The following DCLRE1C variants were observed in gnomAD, a reference collection of about 807,000 sequenced individuals.
The protein encoded by DCLRE1C is DNA cross-link repair 1C, also known as protein artemis.
A neutral mutation model predicts 61.4 loss-of-function variants in DCLRE1C; 47 were observed. The ratio of observed to expected loss-of-function variants is 0.77; its 90% CI spans 0.61 to 0.98. DCLRE1C has a LOEUF of 0.98. Among genes scored for constraint, DCLRE1C ranks in the 50% least tolerant of loss-of-function variants. The pLI is 0.00. For missense variants in DCLRE1C, 858 were observed against 816.0 expected (o/e 1.05, Z -0.63); for synonymous variants, 337 against 287.6 (o/e 1.17, Z -1.74).
chr10:14,899,952 T>G (rs1484221024), downstream of DCLRE1C, among the ~76,000 whole-genome samples: 1 of 152,216 alleles, frequency 6.6e-6, no homozygotes, highest in Non-Finnish European at 1.5e-5. Flanking sequence ...AGTAACTTTG[T>G]ACGGTAGGTA....
rs538151689 is a variant in DCLRE1C, at chr10:14,940,341, C to T, written c.247-472G>A. ...TCTCGCTCTGTCACCCAGGCTGGAG[C>T]GCAGTGGTGTGGTATCGGCTCACTG... On this transcript the variant is annotated intron_variant, in intron 3 of 13. Transcript: ENST00000378278. Among the ~76,000 whole-genome samples, 7 of 149,182 alleles carry T rather than the reference C, an allele frequency of 4.7e-5. No homozygotes were observed. The South Asian group carries it at 6.3e-4, about 13-fold the overall frequency.
chr10:14,923,023 T>C lies in DCLRE1C; in HGVS notation c.1019A>G (p.Asn340Ser). The part of the protein sequence containing the change: ...SYLCPVNAYP[N>S]VIPVGTTMDK... ...CATAGTTGTGCCAACTGGAATGACA[T>C]TTGGATATGCGTTCACAGGACAGAG... The change falls in exon 12 of 14, where the codon AAT becomes AGT. Residue 340 changes from asparagine (N) to serine (S), a missense_variant. Physicochemically the swap from Asn to Ser is conservative, Grantham distance 46. Coordinates refer to ENST00000378278, the MANE Select transcript of DCLRE1C (RefSeq NM_001033855.3). The C allele has an allele frequency of 6.2e-7, 1 of 1,614,152 alleles. No individual in the cohort carries two copies. Among genetic ancestry groups the C allele is most frequent in the Non-Finnish European group, 8.5e-7 (1 of 1,179,992 alleles).
intron 1 of DCLRE1C, among the ~76,000 whole-genome samples, chr10:14,949,503 G>A (rs558209326): frequency 6.6e-6 from 1 of 152,314 alleles, no homozygotes; most frequent in East Asian, 1.9e-4. Context: ...TGGTCATGGA[G>A]TCTGCTGGGA....
chr10:14,929,627 G>C (rs1043231067), intron 9 of DCLRE1C, among the ~76,000 whole-genome samples: 2 of 151,982 alleles, frequency 1.3e-5, no homozygotes, highest in African/African-American at 4.8e-5. Flanking sequence ...GGGTGACAGA[G>C]CAAGACTCTA....
chr10:14,899,750 T>C, downstream of DCLRE1C: 1 of 1,549,108 alleles, frequency 6.5e-7, no homozygotes, highest in Non-Finnish European at 8.8e-7. Flanking sequence ...TTTCCATAGC[T>C]AAAGAATAAT....
intron 12 of DCLRE1C, among the ~76,000 whole-genome samples, chr10:14,921,850 T>A (rs1270070395): frequency 6.6e-6 from 1 of 152,204 alleles, no homozygotes; most frequent in Non-Finnish European, 1.5e-5. Flanking sequence ...TCTTTTCTCA[T>A]GGTTTTAGTT....
chr10:14,948,827 C>G (rs967641877), intron 2 of DCLRE1C, among the ~76,000 whole-genome samples: 6 of 150,800 alleles, frequency 4.0e-5, no homozygotes, highest in African/African-American at 1.5e-4. Flanking sequence ...CCCATGATGA[C>G]AAAAGTCAGA....
intron 3 of DCLRE1C, among the ~76,000 whole-genome samples, chr10:14,940,503 C>CT (rs1384468602): frequency 1.3e-5 from 2 of 152,088 alleles, no homozygotes; most frequent in Middle Eastern, 3.4e-3. Context: ...GTTGGCCAGG[C>CT]TGGTCTCCAA....
chr10:14,939,059 C>CATCA (rs954085025), intron 4 of DCLRE1C, among the ~76,000 whole-genome samples: 4 of 152,166 alleles, frequency 2.6e-5, no homozygotes, highest in African/African-American at 7.2e-5. Context: ...TTGTGAGTGA[C>CATCA]ATCAGTGCCT....
chr10:14,909,460 TTCTTGGGATATGCTGAA>T, intron 13 of DCLRE1C, 130 bp from the exon 14 acceptor site: 1 of 789,294 alleles, frequency 1.3e-6, no homozygotes, highest in Non-Finnish European at 2.0e-6. Context: ...GGAAAAGATA[TTCTTGGGATATGCTGAA>T]CAATTTAACT....
Position 14,953,890 on chromosome 10 carries a change from G to A in DCLRE1C, c.109+12C>T. The A allele has an allele frequency of 6.2e-7, 1 of 1,613,770 alleles. No individual in the cohort carries two copies. The highest frequency in any genetic ancestry group is 8.5e-7 in the Non-Finnish European group (1 of 1,179,920). On this transcript the variant is annotated intron_variant, in intron 1 of 13. Transcript: ENST00000378278. ...GCGCCCCGGGAGCGGGCGACGCGCA[G>A]CCCTCACTCACCTTTGTGGCAGTGG...
chr10:14,921,265 A>G (rs916897740), intron 12 of DCLRE1C, among the ~76,000 whole-genome samples: 2 of 151,902 alleles, frequency 1.3e-5, no homozygotes, highest in African/African-American at 4.8e-5. Context: ...GCTTGTAGTG[A>G]GCCGAGATCG....
chr10:14,935,511 A>C lies in DCLRE1C; in HGVS notation c.416T>G (p.Leu139Trp). Residue 139 changes from leucine to tryptophan, a missense_variant, in exon 6 of 14, where the codon TTG becomes TGG. Leu to Trp is a moderately conservative substitution (Grantham distance 61). Transcript: ENST00000378278. ...CATTCTAGCAGCTTCTCCTTGCGCC[A>C]ATCTGAAGTCTCCTGTGTACAGGAC... Reference protein sequence around the residue: ...GTVLYTGDFRLAQGEAARMEL... With the variant: ...GTVLYTGDFRWAQGEAARMEL... 6.2e-7 allele frequency: 1 copy of C among 1,614,126 alleles called. No individual in the cohort carries two copies.
intron 4 of DCLRE1C, among the ~76,000 whole-genome samples, chr10:14,937,913 A>AG (rs1227850287): frequency 6.6e-6 from 1 of 151,614 alleles, no homozygotes; most frequent in African/African-American, 2.4e-5. Context: ...AAAAAAAAAA[A>AG]AAAAGATTAA....
At chr10:14,910,878 A>G (rs1487302425) in intron 13 of DCLRE1C, among the ~76,000 whole-genome samples, 1 of 152,232 alleles carries the variant, frequency 6.6e-6, no homozygotes, top group East Asian at 1.9e-4. Context: ...CATGAGAAAT[A>G]AGACACAGAT....
intron 13 of DCLRE1C, among the ~76,000 whole-genome samples, chr10:14,914,490 A>C (rs1375706721): frequency 6.6e-6 from 1 of 152,228 alleles, no homozygotes; most frequent in Admixed American, 6.5e-5. Context: ...GAAGACCTGA[A>C]CAACATTGTC....
chr10:14,937,281 C>CTTTT (rs1162058273), intron 4 of DCLRE1C, among the ~76,000 whole-genome samples: 8 of 110,616 alleles, frequency 7.2e-5, no homozygotes, highest in Non-Finnish European at 1.1e-4. Flanking sequence ...AAGCTATTTA[C>CTTTT]TTTTTTTTTT....
In DCLRE1C at chr10:14,904,693, G is replaced by C. The variant is rs1834248730; in HGVS notation, c.*3715C>G. On this transcript the variant is annotated 3_prime_UTR_variant, in exon 14 of 14. Transcript: ENST00000378278. ...CTACTTATGTTACCTTTGTTATTCA[G>C]ATGCTGAACTTAAGCAGTGAAATAA... 6.6e-6 allele frequency among the ~76,000 whole-genome samples: 1 copy of C among 152,160 alleles called. No individual in the cohort carries two copies. Among genetic ancestry groups the C allele is most frequent in the South Asian group, 2.1e-4 (1 of 4,834 alleles).
At chr10:14,928,214 G>T in intron 9 of DCLRE1C, 62 bp from the exon 10 acceptor site, 2 of 1,499,664 alleles carry the variant, frequency 1.3e-6, no homozygotes, top group African/African-American at 1.4e-5. Flanking sequence ...GTTGTAGGCA[G>T]AGTCTCAAAA....
Sources: allele counts gnomAD v4.1 joint callset (sites outside exome capture counted in the v4.1 genomes callset), GRCh38; gene constraint gnomAD v4.1.1; transcripts MANE v1.5; gene names NCBI Gene and HGNC (gene_info 2026-07-23, HGNC 2026-07-21).